Variants in VGLL4 observed in about 807,000 individuals in gnomAD.
VGLL4 encodes transcription cofactor vestigial-like protein 4.
Under a neutral mutation model 21.0 loss-of-function variants are expected in VGLL4, and 7 were observed. The observed-to-expected ratio is 0.33, with a 90% CI of 0.19 to 0.63. The LOEUF is 0.63. Among genes scored for constraint, VGLL4 ranks in the 20% least tolerant of loss-of-function variants. The pLI is 0.78. For synonymous variants in VGLL4, 222 were observed against 173.2 expected, an observed-to-expected ratio of 1.28 and a Z score of -2.21; for missense variants, 394 against 425.7, an observed-to-expected ratio of 0.93 and a Z score of 0.66.
chr3:11,643,879 G>C lies in VGLL4; in HGVS notation c.-361C>G. 9.8e-7 allele frequency: 1 copy of C among 1,023,512 alleles called. No individual in the cohort carries two copies. 63.4% of individuals were successfully genotyped at this position (1,023,512 alleles called of 1,614,324 possible). A position where few individuals can be genotyped will look rare whatever the true frequency, so the allele number is the denominator to read the frequency against. ...CAAAGCGGCGCCGGCCCCTCTCACA[G>C]CCCGCTGCAAGCCGGCAGCGCTGAC... is the stretch of plus-strand genomic sequence containing the variant. On this transcript the variant is annotated 5_prime_UTR_variant, in exon 1 of 5. Transcript: ENST00000430365.
Position 11,558,713 on chromosome 3 carries a change from T to G in VGLL4, c.734A>C (p.Asp245Ala). The G allele has an allele frequency of 6.2e-7, 1 of 1,614,080 alleles. No homozygotes were observed. Among genetic ancestry groups the G allele is most frequent in the Non-Finnish European group, 8.5e-7 (1 of 1,180,024 alleles). The change falls in exon 5 of 5, where the codon GAC becomes GCC. Residue 245 changes from aspartate to alanine, a missense_variant. Asp to Ala is a moderately radical substitution (Grantham distance 126). Coordinates refer to ENST00000430365, the MANE Select transcript of VGLL4 (RefSeq NM_001128219.3). ...GTCACCCAGAGCTTTGGCAAAGTGG[T>G]CGTCCACGGAGCCCGTGATGGACAC... ...NSVSITGSVDDHFAKALGDTW... is the reference protein window; with the variant it reads ...NSVSITGSVDAHFAKALGDTW...
At chr3:11,580,977 T>C (rs2074206546) in intron 2 of VGLL4, among the ~76,000 whole-genome samples, 1 of 152,158 alleles carries the variant, frequency 6.6e-6, no homozygotes, top group Non-Finnish European at 1.5e-5. Context: ...CAATACATAT[T>C]GACCATTTGT....
chr3:11,670,933 A>G (rs2076203376), intron 2 of VGLL4, among the ~76,000 whole-genome samples: 1 of 152,196 alleles, frequency 6.6e-6, no homozygotes, highest in African/African-American at 2.4e-5. Context: ...GCTACTCGGG[A>G]GGCTGAGGCA....
chr3:11,692,655 C>G (rs1575536268), intron 2 of VGLL4, among the ~76,000 whole-genome samples: 2 of 150,830 alleles, frequency 1.3e-5, no homozygotes, highest in East Asian at 3.9e-4. Context: ...AACTACTGTT[C>G]TGATGATCCC....
chr3:11,583,073 A>G (rs2074275734), intron 2 of VGLL4, among the ~76,000 whole-genome samples: 1 of 152,196 alleles, frequency 6.6e-6, no homozygotes, highest in South Asian at 2.1e-4. Flanking sequence ...GAAGTGAAGC[A>G]GAAGATTTTC....
At chr3:11,618,160 A>C (rs527852609) in intron 1 of VGLL4, among the ~76,000 whole-genome samples, 13 of 152,318 alleles carry the variant, frequency 8.5e-5, no homozygotes, top group African/African-American at 3.1e-4. Flanking sequence ...CCTATATTAA[A>C]ATAAACCAAT....
chr3:11,650,676 T>A (rs1339927356), intron 2 of VGLL4, among the ~76,000 whole-genome samples: 1 of 151,928 alleles, frequency 6.6e-6, no homozygotes, highest in African/African-American at 2.4e-5. Flanking sequence ...GTTAATACTT[T>A]CATTTTAAAG....
chr3:11,715,791 G>A (rs748948662), intron 1 of VGLL4, among the ~76,000 whole-genome samples: 10 of 152,124 alleles, frequency 6.6e-5, no homozygotes, highest in Non-Finnish European at 1.5e-4. Flanking sequence ...CTTGTTTTAC[G>A]TATGTTTCTG....
At chr3:11,641,160 T>G (rs887285242) in intron 1 of VGLL4, among the ~76,000 whole-genome samples, 2 of 149,678 alleles carry the variant, frequency 1.3e-5, no homozygotes, top group Non-Finnish European at 3.0e-5. Flanking sequence ...TGGTTTATTT[T>G]AGAGTAGAGC....
intron 2 of VGLL4, among the ~76,000 whole-genome samples, chr3:11,600,483 T>G (rs1315540843): frequency 6.6e-6 from 1 of 151,960 alleles, no homozygotes; most frequent in Non-Finnish European, 1.5e-5. Flanking sequence ...CACCCAGGAG[T>G]TAAGCTAGCC....
intron 2 of VGLL4, among the ~76,000 whole-genome samples, chr3:11,567,164 G>A (rs144646193): frequency 3.3e-5 from 5 of 152,234 alleles, no homozygotes; most frequent in East Asian, 1.9e-4. Flanking sequence ...TTAGTGACCC[G>A]AGGCGTTCCG....
chr3:11,610,174 T>TTCA (rs1239820058), intron 1 of VGLL4: 2 of 152,292 alleles, frequency 1.3e-5, no homozygotes, highest in African/African-American at 4.8e-5. Context: ...AGGACCCTGC[T>TTCA]CCCAGATTCC....
intron 2 of VGLL4, among the ~76,000 whole-genome samples, chr3:11,600,502 G>A (rs1037289295): frequency 2.6e-5 from 4 of 152,168 alleles, no homozygotes; most frequent in Non-Finnish European, 4.4e-5. Flanking sequence ...CCCTGCCTGC[G>A]GAGTGCACTG....
At chr3:11,643,933 T>G (rs1213999698), upstream of VGLL4, 1 of 995,932 alleles carries the variant, frequency 1.0e-6, no homozygotes, top group East Asian at 1.1e-4. Flanking sequence ...ATGACTCCTA[T>G]GCCGCCGCTT....
At chr3:11,718,935 C>T (rs1166742537) in intron 1 of VGLL4, among the ~76,000 whole-genome samples, 2 of 152,190 alleles carry the variant, frequency 1.3e-5, no homozygotes, top group Non-Finnish European at 2.9e-5. Context: ...TACATAAATA[C>T]GAATAGCCCC....
At chr3:11,562,483 G>T (rs1437864928) in intron 3 of VGLL4, among the ~76,000 whole-genome samples, 2 of 152,134 alleles carry the variant, frequency 1.3e-5, no homozygotes, top group African/African-American at 4.8e-5. Flanking sequence ...GTCACCCCAG[G>T]AAGCCCCCTC....
intron 1 of VGLL4, among the ~76,000 whole-genome samples, chr3:11,622,092 G>A (rs7610509): frequency 0.099 from 15,083 of 152,138 alleles, 1,154 homozygotes; most frequent in African/African-American, 0.2. Context: ...TCTATGAGTT[G>A]TCTTTTCCTT....
At chr3:11,650,812 T>C (rs2125341696) in intron 2 of VGLL4, among the ~76,000 whole-genome samples, 1 of 152,132 alleles carries the variant, frequency 6.6e-6, no homozygotes, top group Admixed American at 6.5e-5. Flanking sequence ...GAAAATAAGT[T>C]TGACTATTCC....
intron 2 of VGLL4, among the ~76,000 whole-genome samples, chr3:11,682,367 T>C (rs2076386527): frequency 7.8e-6 from 1 of 128,852 alleles, no homozygotes; most frequent in African/African-American, 3.0e-5. Context: ...ATCGCACCAC[T>C]GCACTCCAGC....
Sources: gnomAD v4.1 joint callset for allele counts (sites outside exome capture counted in the v4.1 genomes callset) on GRCh38, gnomAD v4.1.1 for gene constraint, MANE v1.5 for transcripts, NCBI Gene and HGNC (gene_info 2026-07-23, HGNC 2026-07-21) for gene names.